The following TMX4 variants were observed in gnomAD, a reference collection of about 807,000 sequenced individuals.
The protein encoded by TMX4 is thioredoxin-related transmembrane protein 4.
Under a neutral mutation model 33.3 loss-of-function variants are expected in TMX4, and 23 were observed. That is an observed-to-expected ratio of 0.69 (90% CI 0.50 to 0.98). The LOEUF is 0.98. TMX4 is among the 50% of genes least tolerant of loss of function. The pLI, the probability that TMX4 is intolerant of heterozygous loss-of-function variation, is 0.00. For missense variants in TMX4, 399 were observed against 448.9 expected, an observed-to-expected ratio of 0.89 and a Z score of 1.01; for synonymous variants, 164 against 161.5, an observed-to-expected ratio of 1.02 and a Z score of -0.12.
At chr20:7,996,383 T>C (rs1251591005) in intron 4 of TMX4, among the ~76,000 whole-genome samples, 1 of 152,204 alleles carries the variant, frequency 6.6e-6, no homozygotes, top group Non-Finnish European at 1.5e-5. Flanking sequence ...TTCTGCTTCA[T>C]AGTCCCAAAC....
intron 6 of TMX4, among the ~76,000 whole-genome samples, chr20:7,985,868 G>A (rs2050629034): frequency 1.3e-5 from 2 of 152,106 alleles, no homozygotes; most frequent in Admixed American, 1.3e-4. Context: ...TAAGGCATAG[G>A]CAGGCAGGCC....
At chr20:8,006,139 C>T (rs2050729238) in intron 2 of TMX4, among the ~76,000 whole-genome samples, 1 of 147,986 alleles carries the variant, frequency 6.8e-6, no homozygotes, top group African/African-American at 2.6e-5. Flanking sequence ...GGATCGGAGC[C>T]CCACAGCCTG....
intron 1 of TMX4, chr20:8,019,235 G>A (rs1483391898): frequency 5.7e-5 from 34 of 598,386 alleles, no homozygotes; most frequent in Non-Finnish European, 4.9e-5. Flanking sequence ...TGGTAAGGCG[G>A]GTCCGCGGAC....
In TMX4 at chr20:7,982,131, G is replaced by T. The variant is rs1205668244; in HGVS notation, c.*120C>A. On this transcript the variant is annotated 3_prime_UTR_variant, in exon 8 of 8. Transcript: ENST00000246024. ...ACTGCCATGAGACCAAATGACTAGA[G>T]AGCATCTTTTAAGAGAAGCTTGCTC... 9 of 1,038,186 alleles carry T rather than the reference G, an allele frequency of 8.7e-6. No individual in the cohort carries two copies. The African/African-American group carries it at 1.3e-4, about 15-fold the overall frequency. The allele number at this position is 1,038,186 out of a possible 1,614,324, so 64.3% of individuals were successfully genotyped here.
rs771788061 is a variant in TMX4 at position 8,010,322 on chromosome 20, G to A, written c.177-7C>T. ...TGGACACCATGGGGCGTAACTATAA[G>A]AGAAGAATAAGAATTATATTGATAA... On this transcript the variant is annotated splice_region_variant and splice_polypyrimidine_tract_variant and intron_variant, in intron 1 of 7. Coordinates refer to ENST00000246024, the MANE Select transcript of TMX4 (RefSeq NM_021156.4). 1.4e-5 allele frequency: 23 copies of A among 1,587,808 alleles called. No individual in the cohort carries two copies. The highest frequency in any genetic ancestry group is 1.7e-5 in the Admixed American group (1 of 57,408).
intron 1 of TMX4, among the ~76,000 whole-genome samples, chr20:8,011,759 T>C (rs544791885): frequency 1.3e-5 from 2 of 152,198 alleles, no homozygotes; most frequent in African/African-American, 4.8e-5. Context: ...TTGTTCACCA[T>C]CTCTAGAAAA....
In TMX4 at chr20:7,978,344, T is replaced by C. The variant is rs1041604621; in HGVS notation, c.*3907A>G. The C allele has an allele frequency of 5.9e-5, 9 of 152,244 alleles. No individual in the cohort carries two copies. The highest frequency in any genetic ancestry group is 1.0e-4 in the Non-Finnish European group (7 of 68,042). 9.4% of individuals were successfully genotyped at this position (152,244 alleles called of 1,614,324 possible). Reference sequence around the variant, plus strand: ...AATTTATTTTTCTCTGGACTTCTAATGTTTCCATCCTATGAAACAACATAC... The same window carrying C: ...AATTTATTTTTCTCTGGACTTCTAACGTTTCCATCCTATGAAACAACATAC... On this transcript the variant is annotated 3_prime_UTR_variant, in exon 8 of 8. Transcript: ENST00000246024.
chr20:8,010,278 A>C lies in TMX4; in HGVS notation c.214T>G (p.Ser72Ala). The change falls in exon 2 of 8, where the codon TCA becomes GCA. Residue 72 changes from serine (S) to alanine (A), a missense_variant. By Grantham distance (99) the Ser-to-Ala change is moderately conservative (BLOSUM62 1). Coordinates refer to ENST00000246024, the MANE Select transcript of TMX4 (RefSeq NM_021156.4). ...TTCTTTGCAAAAGCCTCCCATTCTGAATCAGTCTGCTGGCAGGATGGACAC... is the reference window on the plus strand; with the variant it reads ...TTCTTTGCAAAAGCCTCCCATTCTGCATCAGTCTGCTGGCAGGATGGACAC... ...PWCPSCQQTDSEWEAFAKNGE... is the reference protein window; with the variant it reads ...PWCPSCQQTDAEWEAFAKNGE... 1 of 1,611,914 alleles carries C rather than the reference A, an allele frequency of 6.2e-7. No individual in the cohort carries two copies. The highest frequency in any genetic ancestry group is 8.5e-7 in the Non-Finnish European group (1 of 1,178,498).
rs1360453898 is a variant in TMX4 at position 7,979,363 on chromosome 20, ATTT to A, written c.*2885_*2887del. On this transcript the variant is annotated 3_prime_UTR_variant, in exon 8 of 8. Coordinates refer to ENST00000246024, the MANE Select transcript of TMX4 (RefSeq NM_021156.4). ...ATCAGGAAAAATGGTTCCCACAGAT[ATTT>A]AAAGTTTTAATGGGTCCTCTTCTCC... is the stretch of plus-strand genomic sequence containing the variant. 6.6e-5 allele frequency: 10 copies of A among 152,152 alleles called. No homozygotes were observed. The highest frequency in any genetic ancestry group is 1.5e-4 in the Non-Finnish European group (10 of 68,026). The allele number at this position is 152,152 out of a possible 1,614,324, so 9.4% of individuals were successfully genotyped here.
At position 8,006,005 on chromosome 20, in the gene TMX4, A is replaced by AG. The variant is rs113650638; in HGVS notation, c.292+4194dup. 5.5e-5 allele frequency among the ~76,000 whole-genome samples: 8 copies of AG among 146,572 alleles called. No homozygotes were observed. In the East Asian group the frequency reaches 8.4e-4, roughly 15 times the overall value. ...AAGCCCTCTGTCCCTGTGATAAGGC[A>AG]GGGGGGTGTCTAATTGAGCTGACGA... On this transcript the variant is annotated intron_variant, in intron 2 of 7. Coordinates refer to ENST00000246024, the MANE Select transcript of TMX4 (RefSeq NM_021156.4).
At position 7,981,020 on chromosome 20, in the gene TMX4, C is replaced by T. The variant is rs1310918097; in HGVS notation, c.*1231G>A. 6.6e-6 allele frequency: 1 copy of T among 151,794 alleles called. No homozygotes were observed. The highest frequency in any genetic ancestry group is 2.4e-5 in the African/African-American group (1 of 41,278). 9.4% of individuals were successfully genotyped at this position (151,794 alleles called of 1,614,324 possible). A position where few individuals can be genotyped will look rare whatever the true frequency, so the allele number is the denominator to read the frequency against. On this transcript the variant is annotated 3_prime_UTR_variant, in exon 8 of 8. Coordinates refer to ENST00000246024, the MANE Select transcript of TMX4 (RefSeq NM_021156.4). ...CGAATTTCATGAATTTATTCTAACA[C>T]ATAAATCAGGTAAGAGAGAAGTAGA...
intron 1 of TMX4, among the ~76,000 whole-genome samples, chr20:8,013,436 A>G (rs1276365676): frequency 2.6e-5 from 4 of 152,204 alleles, no homozygotes; most frequent in East Asian, 1.9e-4. Flanking sequence ...TAAACTTCAT[A>G]AACATATTTG....
At chr20:7,991,589 T>A (rs989137765) in intron 5 of TMX4, among the ~76,000 whole-genome samples, 3 of 152,230 alleles carry the variant, frequency 2.0e-5, no homozygotes, top group African/African-American at 7.2e-5. Context: ...GATTTGGGGA[T>A]GCTCAACCTA....
At position 8,019,203 on chromosome 20, in the gene TMX4, G is replaced by A. The variant is rs6055462; in HGVS notation, c.176+235C>T. On this transcript the variant is annotated intron_variant, in intron 1 of 7. Coordinates refer to ENST00000246024, the MANE Select transcript of TMX4 (RefSeq NM_021156.4). ...GCGCGCATGCGCGGCGCGAGCGGCC[G>A]GGCCCCACAGCCGCAGGTCGTTGGT... 206 of 522,778 alleles carry A rather than the reference G, an allele frequency of 3.9e-4. 1 individual carries two copies. The highest frequency in any genetic ancestry group is 2.1e-3 in the Middle Eastern group (5 of 2,416). The allele number at this position is 522,778 out of a possible 1,614,324, so 32.4% of individuals were successfully genotyped here. A position where few individuals can be genotyped will look rare whatever the true frequency, so the allele number is the denominator to read the frequency against.
At chr20:8,001,330 C>T (rs2050706591) in intron 3 of TMX4, among the ~76,000 whole-genome samples, 166 bp downstream of exon 3, 1 of 152,178 alleles carries the variant, frequency 6.6e-6, no homozygotes, top group South Asian at 2.1e-4. Context: ...CTCTGCAGCA[C>T]TCCAGGAAAG....
chr20:8,001,689 T>TGTA, intron 2 of TMX4, 148 bp from the exon 3 acceptor site: 1 of 762,828 alleles, frequency 1.3e-6, no homozygotes, highest in Non-Finnish European at 2.1e-6. Context: ...ATTTCATTTC[T>TGTA]ACCTATTTTT....
intron 5 of TMX4, among the ~76,000 whole-genome samples, chr20:7,991,216 A>G (rs957945940): frequency 4.6e-5 from 7 of 152,228 alleles, no homozygotes; most frequent in Admixed American, 6.5e-5. Context: ...TTTAGCTAAA[A>G]TCTGCCATAT....
chr20:7,993,566 G>A (rs188140872), intron 5 of TMX4, among the ~76,000 whole-genome samples: 17 of 152,214 alleles, frequency 1.1e-4, no homozygotes, highest in Admixed American at 6.5e-4. Context: ...GGTAGCCAAG[G>A]ACTGGGTCTC....
intron 6 of TMX4, among the ~76,000 whole-genome samples, chr20:7,984,404 C>T (rs2050621884): frequency 6.6e-6 from 1 of 152,066 alleles, no homozygotes; most frequent in Non-Finnish European, 1.5e-5. Context: ...CAGAGAAAGC[C>T]CTGAATGTCA....
Sources: allele counts gnomAD v4.1 joint callset (sites outside exome capture counted in the v4.1 genomes callset), GRCh38; gene constraint gnomAD v4.1.1; transcripts MANE v1.5; gene names NCBI Gene and HGNC (gene_info 2026-07-23, HGNC 2026-07-21).